Variants in LUZP2 observed in about 807,000 individuals in gnomAD.
LUZP2 encodes the protein leucine zipper protein 2.
LUZP2 carries 52 observed loss-of-function variants against 51.6 expected under a neutral mutation model. That is an observed-to-expected ratio of 1.01 (90% CI 0.81 to 1.27). The LOEUF (loss-of-function observed/expected upper bound fraction) is 1.27. Ranked by LOEUF, LUZP2 falls within the 50% of genes most tolerant of loss-of-function variation. The probability of loss-of-function intolerance (pLI) is 0.00; values close to 1 mark genes in which losing one functional copy is unlikely to be tolerated. For synonymous variants in LUZP2, 154 were observed against 137.3 expected, an observed-to-expected ratio of 1.12 and a Z score of -0.85; for missense variants, 436 against 395.4, an observed-to-expected ratio of 1.10 and a Z score of -0.87.
chr11:25,013,176 G>A (rs1857031147), intron 9 of LUZP2, among the ~76,000 whole-genome samples: 1 of 152,076 alleles, frequency 6.6e-6, no homozygotes. Context: ...AAACTTTGAT[G>A]ACAGGGAAGT....
At chr11:24,578,067 C>A (rs1852717518) in intron 1 of LUZP2, among the ~76,000 whole-genome samples, 1 of 152,046 alleles carries the variant, frequency 6.6e-6, no homozygotes, top group African/African-American at 2.4e-5. Context: ...ACAATGTTTT[C>A]TTTCTAGACT....
intron 1 of LUZP2, among the ~76,000 whole-genome samples, chr11:24,647,300 T>G (rs1161511366): frequency 6.6e-6 from 1 of 151,890 alleles, no homozygotes; most frequent in African/African-American, 2.4e-5. Context: ...TTTAAATTGG[T>G]ACAGAATGTA....
At position 24,515,024 on chromosome 11, in the gene LUZP2, T is replaced by C. The variant is rs1850421028; in HGVS notation, c.62+17719T>C. On this transcript the variant is annotated intron_variant, in intron 1 of 11. Transcript: ENST00000336930. ...CGTTGTCATTGAAACCTCTGCTGAT[T>C]TGAGCTCTTAATGCTTGCAAGTGAA... is the stretch of plus-strand genomic sequence containing the variant. 2.6e-5 allele frequency among the ~76,000 whole-genome samples: 4 copies of C among 152,166 alleles called. No homozygotes were observed. In the South Asian group the frequency reaches 8.3e-4, roughly 31 times the overall value.
intron 7 of LUZP2, among the ~76,000 whole-genome samples, chr11:24,976,340 T>C (rs1855879808): frequency 6.6e-6 from 1 of 151,896 alleles, no homozygotes; most frequent in African/African-American, 2.4e-5. Context: ...AAATTAGATG[T>C]TTTGGTCTAG....
intron 5 of LUZP2, among the ~76,000 whole-genome samples, chr11:24,819,117 G>A (rs1455183017): frequency 2.6e-5 from 4 of 152,090 alleles, no homozygotes; most frequent in East Asian, 1.9e-4. Context: ...CTGAGAAAAC[G>A]TTTGTTTGTT....
chr11:24,979,712 G>A (rs776435411), intron 8 of LUZP2, among the ~76,000 whole-genome samples: 1 of 151,738 alleles, frequency 6.6e-6, no homozygotes, highest in Non-Finnish European at 1.5e-5. Flanking sequence ...TCAGCTACTG[G>A]AATATAAAAG....
intron 9 of LUZP2, among the ~76,000 whole-genome samples, chr11:25,048,172 T>A (rs1370991727): frequency 6.6e-6 from 1 of 152,128 alleles, no homozygotes; most frequent in Admixed American, 6.5e-5. Flanking sequence ...TCCTCTCTAC[T>A]TTTTAGTATT....
At chr11:24,534,568 AAC>A (rs1851112954) in intron 1 of LUZP2, among the ~76,000 whole-genome samples, 2 of 151,336 alleles carry the variant, frequency 1.3e-5, no homozygotes, top group African/African-American at 2.4e-5. Flanking sequence ...AGAGAGAGTA[AAC>A]ACATTTAAAA....
At chr11:24,830,109 G>A (rs150518243) in intron 5 of LUZP2, among the ~76,000 whole-genome samples, 6 of 151,056 alleles carry the variant, frequency 4.0e-5, no homozygotes, top group Non-Finnish European at 1.5e-5. Flanking sequence ...TTTTGTCAGA[G>A]AAAAAAAAAC....
intron 1 of LUZP2, among the ~76,000 whole-genome samples, chr11:24,528,749 C>T (rs916443798): frequency 1.3e-5 from 2 of 151,174 alleles, no homozygotes; most frequent in African/African-American, 4.8e-5. Context: ...GAGGACATCA[C>T]CTACTTATTC....
intron 9 of LUZP2, among the ~76,000 whole-genome samples, chr11:24,988,678 G>A (rs1472904777): frequency 1.3e-5 from 2 of 151,982 alleles, no homozygotes; most frequent in Admixed American, 6.6e-5. Flanking sequence ...TCTTTTAACA[G>A]CCCTGATAAG....
chr11:24,530,762 C>CTTTTTTTTTTTTTTTTTTTTTTT (rs367857815), intron 1 of LUZP2, among the ~76,000 whole-genome samples: 1 of 75,386 alleles, frequency 1.3e-5, no homozygotes, highest in Non-Finnish European at 2.7e-5. Context: ...CTTCTTCTTA[C>CTTTTTTTTTTTTTTTTTTTTTTT]TTTTTTTTTT....
intron 7 of LUZP2, among the ~76,000 whole-genome samples, chr11:24,932,840 T>G (rs1444766754): frequency 6.6e-6 from 1 of 152,208 alleles, no homozygotes; most frequent in Non-Finnish European, 1.5e-5. Flanking sequence ...TCCAGGAAAC[T>G]CTGCATTCAG....
chr11:24,513,224 G>A (rs1175465239), intron 1 of LUZP2, among the ~76,000 whole-genome samples: 2 of 152,062 alleles, frequency 1.3e-5, no homozygotes, highest in African/African-American at 2.4e-5. Context: ...AATTAAAATT[G>A]TATTTGCTGA....
At chr11:24,715,261 CTATGTGTGTG>C (rs1429194817) in intron 1 of LUZP2, among the ~76,000 whole-genome samples, 114 of 73,510 alleles carry the variant, frequency 1.6e-3, no homozygotes, top group African/African-American at 4.7e-3. Context: ...CAAGGAGCAA[CTATGTGTGTG>C]TGTGTGTGTG....
At chr11:24,998,717 G>T (rs1856585479) in intron 9 of LUZP2, among the ~76,000 whole-genome samples, 1 of 152,038 alleles carries the variant, frequency 6.6e-6, no homozygotes, top group Admixed American at 6.6e-5. Flanking sequence ...AACTTAATAG[G>T]ATTTCTGGGC....
At chr11:25,034,737 C>A (rs1182743752) in intron 9 of LUZP2, among the ~76,000 whole-genome samples, 2 of 151,964 alleles carry the variant, frequency 1.3e-5, no homozygotes, top group East Asian at 3.9e-4. Flanking sequence ...TTATAGGTGT[C>A]CGACTTTATT....
chr11:24,685,608 G>T (rs143199210), intron 1 of LUZP2, among the ~76,000 whole-genome samples: 1 of 152,052 alleles, frequency 6.6e-6, no homozygotes, highest in Admixed American at 6.6e-5. Context: ...GTAACTGCCC[G>T]CCCAACAAAG....
intron 7 of LUZP2, among the ~76,000 whole-genome samples, chr11:24,946,657 A>G (rs1171299078): frequency 1.3e-5 from 2 of 151,812 alleles, no homozygotes; most frequent in Admixed American, 6.6e-5. Flanking sequence ...TTTTTTACAT[A>G]TCATGACCAC....
Sources: gnomAD v4.1 joint callset for allele counts (sites outside exome capture counted in the v4.1 genomes callset) on GRCh38, gnomAD v4.1.1 for gene constraint, MANE v1.5 for transcripts, NCBI Gene and HGNC (gene_info 2026-07-23, HGNC 2026-07-21) for gene names.